Variants in SNX25 observed in about 807,000 individuals in gnomAD.
SNX25 encodes sorting nexin-25.
A neutral mutation model predicts 113.7 loss-of-function variants in SNX25; 62 were observed. That is an observed-to-expected ratio of 0.55 (90% CI 0.44 to 0.67). SNX25 has a LOEUF of 0.67. Ranked by LOEUF, SNX25 falls within the 30% of genes least tolerant of loss-of-function variation. SNX25 has a pLI of 0.00. For missense variants in SNX25, 1,014 were observed against 1,161.0 expected, an observed-to-expected ratio of 0.87 and a Z score of 1.84; for synonymous variants, 421 against 436.2, an observed-to-expected ratio of 0.97 and a Z score of 0.43.
intron 10 of SNX25, among the ~76,000 whole-genome samples, chr4:185,335,316 T>TCACA (rs3047486): frequency 0.026 from 3,600 of 140,828 alleles, 69 homozygotes; most frequent in African/African-American, 0.049. Context: ...TGAAAAAGTC[T>TCACA]CACACACACA....
chr4:185,376,039 ACAGT>A, the SNX25 span, among the ~76,000 whole-genome samples: 108 of 152,306 alleles, frequency 7.1e-4, no homozygotes, highest in African/African-American at 2.4e-3. Flanking sequence ...ATGGTGAAAG[ACAGT>A]CAGTCCCTTT....
chr4:185,280,381 TAAA>T (rs1290089620), intron 5 of SNX25, among the ~76,000 whole-genome samples: 1 of 152,190 alleles, frequency 6.6e-6, no homozygotes, highest in Non-Finnish European at 1.5e-5. Flanking sequence ...TATAAATTAA[TAAA>T]AAACACTCTA....
At chr4:185,214,541 C>T (rs1738461609) in intron 1 of SNX25, among the ~76,000 whole-genome samples, 1 of 151,970 alleles carries the variant, frequency 6.6e-6, no homozygotes. Flanking sequence ...CCGCCATATT[C>T]CAGCCTGGGT....
chr4:185,229,844 T>C, intron 1 of SNX25, among the ~76,000 whole-genome samples: 1 of 152,202 alleles, frequency 6.6e-6, no homozygotes, highest in East Asian at 1.9e-4. Context: ...TTTATTTATT[T>C]AGAGACAGGG....
intron 16 of SNX25, among the ~76,000 whole-genome samples, chr4:185,360,312 TA>T (rs2095355840): frequency 6.6e-6 from 1 of 152,170 alleles, no homozygotes; most frequent in Non-Finnish European, 1.5e-5. Context: ...GATACGCAGT[TA>T]TAGATGGAGA....
At position 185,334,402 on chromosome 4, in the gene SNX25, T is replaced by C. The variant is rs1426885355; in HGVS notation, c.1914+1643T>C. Among the ~76,000 whole-genome samples the C allele has an allele frequency of 6.6e-6, 1 of 152,134 alleles. No homozygotes were observed. The highest frequency in any genetic ancestry group is 2.4e-5 in the African/African-American group (1 of 41,426). On this transcript the variant is annotated intron_variant, in intron 10 of 18. Coordinates refer to ENST00000652585, the MANE Select transcript of SNX25 (RefSeq NM_001378034.2). This position sits in a 1 kb window ranked among gnomAD's most constrained non-coding sequence, Gnocchi z 4.2. ...TCTGAAAAGGAAACAAATGGCCAGG[T>C]TTCCTGGATTGTCATCAGAAATAGT...
intron 9 of SNX25, among the ~76,000 whole-genome samples, chr4:185,331,123 C>T (rs1561021571): frequency 6.6e-6 from 1 of 152,174 alleles, no homozygotes; most frequent in Non-Finnish European, 1.5e-5. Context: ...TCCAGAGCTC[C>T]TACTCTTTGT....
chr4:185,222,847 G>A (rs1039491547), intron 1 of SNX25, among the ~76,000 whole-genome samples: 6 of 152,152 alleles, frequency 3.9e-5, no homozygotes, highest in Non-Finnish European at 7.3e-5. Flanking sequence ...CTGTGACAGT[G>A]GGCAGCTTGC....
At chr4:185,248,382 A>T (rs531194056) in intron 2 of SNX25, among the ~76,000 whole-genome samples, 189 of 152,240 alleles carry the variant, frequency 1.2e-3, no homozygotes, top group African/African-American at 4.3e-3. Flanking sequence ...GATTGGCTGG[A>T]TGTGGTGGCT....
At chr4:185,207,257 C>T (rs1005348305), upstream of SNX25, among the ~76,000 whole-genome samples, 2 of 138,914 alleles carry the variant, frequency 1.4e-5, no homozygotes, top group Non-Finnish European at 3.0e-5. Context: ...CTCGCTGTCG[C>T]CCAGGCTGGA....
rs1220383743 is a variant in SNX25, at chr4:185,214,048, TTCTC to T, written c.429+3801_429+3804del. Among the ~76,000 whole-genome samples, 5 of 152,010 alleles carry T rather than the reference TTCTC, an allele frequency of 3.3e-5. No homozygotes were observed. The East Asian group carries it at 9.7e-4, about 29-fold the overall frequency. On this transcript the variant is annotated intron_variant, in intron 1 of 18. Transcript: ENST00000652585. ...CTTTCCTAAGAGATGGTTTAATTAT[TTCTC>T]TCTCTCTTCTTTTTCCCCCAGTTCC...
At chr4:185,246,471 T>C (rs1744880678) in intron 1 of SNX25, among the ~76,000 whole-genome samples, 1 of 152,194 alleles carries the variant, frequency 6.6e-6, no homozygotes, top group African/African-American at 2.4e-5. Flanking sequence ...TAATTTGCAT[T>C]CCTCTAATAA....
At chr4:185,282,336 A>G (rs1007153664) in intron 5 of SNX25, among the ~76,000 whole-genome samples, 1 of 151,864 alleles carries the variant, frequency 6.6e-6, no homozygotes, top group Non-Finnish European at 1.5e-5. Flanking sequence ...TTATTTATTT[A>G]TTTAGTATTT....
At chr4:185,332,836 G>A (rs2095205282) in intron 10 of SNX25, 77 bp downstream of exon 10, 17 of 1,409,858 alleles carry the variant, frequency 1.2e-5, no homozygotes, top group Non-Finnish European at 1.6e-5. Flanking sequence ...AGGTTGAGAA[G>A]TGTCAGTTTC....
At chr4:185,301,523 C>A (rs186414460) in intron 6 of SNX25, among the ~76,000 whole-genome samples, 28 of 152,162 alleles carry the variant, frequency 1.8e-4, no homozygotes, top group African/African-American at 6.7e-4. Context: ...TTCTGAGTAG[C>A]TGGGATTACA....
rs114690171 is a variant in SNX25, at chr4:185,310,968, C to T, written c.1344+152C>T. ...ATTTGCTCTATGAGTCAAGGAGCTA[C>T]ATTCCTTGGTGTCCTTGACCTGTAT... is the stretch of plus-strand genomic sequence containing the variant. On this transcript the variant is annotated intron_variant, in intron 7 of 18. Coordinates refer to ENST00000652585, the MANE Select transcript of SNX25 (RefSeq NM_001378034.2). The T allele has an allele frequency of 4.6e-3, 3,568 of 779,474 alleles. 95 individuals are homozygous for T. In the African/African-American group the frequency reaches 0.053, roughly 12 times the overall value. 48.3% of individuals were successfully genotyped at this position (779,474 alleles called of 1,614,324 possible). A position where few individuals can be genotyped will look rare whatever the true frequency, so the allele number is the denominator to read the frequency against.
intron 11 of SNX25, among the ~76,000 whole-genome samples, chr4:185,341,219 G>A (rs79901461): frequency 0.02 from 3,121 of 152,312 alleles, 75 homozygotes; most frequent in African/African-American, 0.052. Context: ...GTATGTGCAC[G>A]TGTGCACGCA....
intron 1 of SNX25, among the ~76,000 whole-genome samples, chr4:185,228,528 A>G (rs1002836126): frequency 1.3e-5 from 2 of 151,920 alleles, no homozygotes; most frequent in Non-Finnish European, 2.9e-5. Context: ...GTAGAGGATA[A>G]TTTTTTTATT....
In SNX25 at chr4:185,267,165, C is replaced by G. The variant is rs1223104819; in HGVS notation, c.1091+10C>G. On this transcript the variant is annotated intron_variant, in intron 5 of 18. Transcript: ENST00000652585. ...TCTTGAAGCAACTAAGGTATTTGGT[C>G]TTCAATTATAGCACAGCAACAGCTA... 1.2e-6 allele frequency: 2 copies of G among 1,608,826 alleles called. No homozygotes were observed. Among genetic ancestry groups the G allele is most frequent in the Non-Finnish European group, 1.7e-6 (2 of 1,177,852 alleles).
Sources: allele counts gnomAD v4.1 joint callset (sites outside exome capture counted in the v4.1 genomes callset), GRCh38; gene constraint gnomAD v4.1.1; non-coding constraint Gnocchi (gnomAD v3.1); transcripts MANE v1.5; gene names NCBI Gene and HGNC (gene_info 2026-07-23, HGNC 2026-07-21).